The following CEP112 variants were observed in gnomAD, a reference collection of about 807,000 sequenced individuals.
CEP112 encodes centrosomal protein 112.
Under a neutral mutation model 153.0 loss-of-function variants are expected in CEP112, and 127 were observed. That is an observed-to-expected ratio of 0.83 (90% CI 0.72 to 0.96). CEP112 has a LOEUF of 0.96. Ranked by LOEUF, CEP112 falls within the 40% of genes least tolerant of loss-of-function variation. The pLI is 0.00. For missense variants in CEP112, 1,089 were observed against 1,101.2 expected, an observed-to-expected ratio of 0.99 and a Z score of 0.16; for synonymous variants, 358 against 374.4, an observed-to-expected ratio of 0.96 and a Z score of 0.51.
intron 21 of CEP112, chr17:65,797,057 A>AACAAC (rs2054970977): frequency 2.4e-4 from 36 of 149,606 alleles, no homozygotes; most frequent in Middle Eastern, 3.1e-3. Flanking sequence ...TCTGTCTCAA[A>AACAAC]AACAACAACA....
At chr17:65,897,576 C>A (rs964145430) in intron 20 of CEP112, among the ~76,000 whole-genome samples, 1 of 152,010 alleles carries the variant, frequency 6.6e-6, no homozygotes, top group Non-Finnish European at 1.5e-5. Flanking sequence ...GTAAGTATTC[C>A]TGGCACAGTG....
chr17:66,040,458 T>C (rs958015127), intron 12 of CEP112, among the ~76,000 whole-genome samples: 1 of 151,838 alleles, frequency 6.6e-6, no homozygotes, highest in Non-Finnish European at 1.5e-5. Flanking sequence ...ATTGCAGATA[T>C]CTTCTTCCAT....
chr17:66,187,941 C>T (rs140443473), intron 1 of CEP112, among the ~76,000 whole-genome samples: 1 of 152,164 alleles, frequency 6.6e-6, no homozygotes, highest in Non-Finnish European at 1.5e-5. Flanking sequence ...TTCAATGTTC[C>T]CATCCTCTGA....
chr17:65,779,546 T>G (rs1340972050), intron 21 of CEP112, among the ~76,000 whole-genome samples: 1 of 152,186 alleles, frequency 6.6e-6, no homozygotes, highest in Non-Finnish European at 1.5e-5. Context: ...TTTTCATCAT[T>G]ACATATAAAT....
chr17:65,778,692 A>AGTGG (rs1328060267), intron 21 of CEP112, among the ~76,000 whole-genome samples: 1 of 152,194 alleles, frequency 6.6e-6, no homozygotes, highest in Non-Finnish European at 1.5e-5. Context: ...TAGCATATTA[A>AGTGG]AGGTAAGGCA....
At chr17:66,030,510 T>TA (rs1379187251) in intron 12 of CEP112, among the ~76,000 whole-genome samples, 1 of 152,240 alleles carries the variant, frequency 6.6e-6, no homozygotes, top group African/African-American at 2.4e-5. Context: ...ACATAAGTGA[T>TA]ACACTTATTT....
intron 24 of CEP112, among the ~76,000 whole-genome samples, chr17:65,654,260 T>C (rs935866610): frequency 6.6e-6 from 1 of 152,174 alleles, no homozygotes; most frequent in Admixed American, 6.5e-5. Context: ...GCAGAGCTCA[T>C]GTACTTTGAT....
intron 21 of CEP112, among the ~76,000 whole-genome samples, chr17:65,847,547 CT>C (rs1355479428): frequency 2.6e-5 from 4 of 152,162 alleles, no homozygotes; most frequent in Non-Finnish European, 5.9e-5. Context: ...GCTTGACTTC[CT>C]TCCTCCATTG....
intron 8 of CEP112, among the ~76,000 whole-genome samples, chr17:66,079,225 A>C (rs1219940845): frequency 6.6e-6 from 1 of 152,190 alleles, no homozygotes; most frequent in African/African-American, 2.4e-5. Flanking sequence ...GGATCACCTG[A>C]GGTCAGTAGT....
intron 23 of CEP112, among the ~76,000 whole-genome samples, chr17:65,732,036 C>G (rs1644578796): frequency 6.6e-6 from 1 of 152,194 alleles, no homozygotes; most frequent in African/African-American, 2.4e-5. Flanking sequence ...AATGGTGAAG[C>G]CTTTCCAGAA....
intron 23 of CEP112, among the ~76,000 whole-genome samples, chr17:65,739,185 A>T (rs1236956371): frequency 6.6e-6 from 1 of 152,244 alleles, no homozygotes; most frequent in Non-Finnish European, 1.5e-5. Context: ...TGCTGAATGT[A>T]ACCTCATGAG....
intron 23 of CEP112, among the ~76,000 whole-genome samples, chr17:65,739,713 G>T (rs2051013946): frequency 6.6e-6 from 1 of 151,794 alleles, no homozygotes; most frequent in African/African-American, 2.4e-5. Flanking sequence ...TCCAGCCTGG[G>T]CAACAGAGCA....
chr17:65,784,373 T>G (rs539619018), intron 21 of CEP112, among the ~76,000 whole-genome samples: 65 of 152,344 alleles, frequency 4.3e-4, no homozygotes, highest in Non-Finnish European at 8.5e-4. Flanking sequence ...CTGGTTACTC[T>G]TTCTTATTCA....
At chr17:65,914,036 T>A (rs1046346892) in intron 19 of CEP112, 16 of 191,886 alleles carry the variant, frequency 8.3e-5, no homozygotes, top group South Asian at 1.8e-4. Context: ...TTCAAAAGGG[T>A]TTTTTTTTCA....
intron 21 of CEP112, among the ~76,000 whole-genome samples, chr17:65,760,297 A>T (rs543855520): frequency 6.6e-6 from 1 of 152,208 alleles, no homozygotes; most frequent in Admixed American, 6.6e-5. Context: ...TGATGTTAAA[A>T]AGGAGTGGTG....
chr17:65,943,430 T>G (rs1321725896), intron 18 of CEP112, among the ~76,000 whole-genome samples: 1 of 152,240 alleles, frequency 6.6e-6, no homozygotes, highest in Non-Finnish European at 1.5e-5. Flanking sequence ...CTAACATATC[T>G]ATTTGTCTGA....
chr17:66,102,536 G>A (rs530568359), intron 6 of CEP112, among the ~76,000 whole-genome samples: 41 of 152,080 alleles, frequency 2.7e-4, no homozygotes, highest in African/African-American at 7.7e-4. Flanking sequence ...GGTGGCTCAC[G>A]CCTGTAATCC....
At chr17:65,792,416 C>T (rs1027170569) in intron 21 of CEP112, among the ~76,000 whole-genome samples, 2 of 152,062 alleles carry the variant, frequency 1.3e-5, no homozygotes, top group Admixed American at 6.6e-5. Context: ...ATTCCTTAAA[C>T]ATGCTTTGTA....
chr17:65,691,521 G>A (rs1408165918), intron 23 of CEP112, among the ~76,000 whole-genome samples: 2 of 152,234 alleles, frequency 1.3e-5, no homozygotes, highest in African/African-American at 2.4e-5. Context: ...GTCTGTGAAT[G>A]AGCTTGCATG....
Sources: allele counts gnomAD v4.1 joint callset (sites outside exome capture counted in the v4.1 genomes callset), GRCh38; gene constraint gnomAD v4.1.1; transcripts MANE v1.5; gene names NCBI Gene and HGNC (gene_info 2026-07-23, HGNC 2026-07-21).